Variants in ZNF45 observed in about 807,000 individuals in gnomAD.
The protein encoded by ZNF45 is BRC1744.
A neutral mutation model predicts 12.0 loss-of-function variants in ZNF45; 4 were observed. The observed-to-expected ratio is 0.33, with a 90% CI of 0.16 to 0.76. The LOEUF (loss-of-function observed/expected upper bound fraction) is 0.76. Among genes scored for constraint, ZNF45 ranks in the 30% least tolerant of loss-of-function variants. The probability of loss-of-function intolerance (pLI) is 0.60; values close to 1 mark genes in which losing one functional copy is unlikely to be tolerated. For synonymous variants in ZNF45, 272 were observed against 279.6 expected (o/e 0.97, Z 0.27); for missense variants, 700 against 813.0 (o/e 0.86, Z 1.69).
chr19:43,922,255 A>G, intron 6 of ZNF45, 38 bp from the exon 7 acceptor site: 1 of 1,479,910 alleles, frequency 6.8e-7, no homozygotes, highest in South Asian at 1.3e-5. Flanking sequence ...GAAGGAGAAA[A>G]AAGCCATGAG....
chr19:43,919,605 A>G lies in ZNF45; in HGVS notation c.110T>C (p.Met37Thr), dbSNP rs1338946288. ...GACCACATTCCTGAAGTTCTCCAGCATCACATCTCGGTACAGCTTCCTCTG... is the reference window on the plus strand; with the variant it reads ...GACCACATTCCTGAAGTTCTCCAGCGTCACATCTCGGTACAGCTTCCTCTG... ...LAQRKLYRDV[M>T]LENFRNVVSV... is the part of the protein sequence containing the mutation. Residue 37 changes from methionine to threonine, a missense_variant, in exon 8 of 10, where the codon ATG becomes ACG. Coordinates refer to ENST00000269973, the MANE Select transcript of ZNF45 (RefSeq NM_003425.4). 1 of 1,613,032 alleles carries G rather than the reference A, an allele frequency of 6.2e-7. No homozygotes were observed. The highest frequency in any genetic ancestry group is 1.1e-5 in the South Asian group (1 of 91,038).
intron 3 of ZNF45, among the ~76,000 whole-genome samples, chr19:43,928,832 T>A (rs1973898081): frequency 6.6e-6 from 1 of 152,180 alleles, no homozygotes; most frequent in Non-Finnish European, 1.5e-5. Flanking sequence ...CTCCTAACAT[T>A]AACCACGAAA....
intron 9 of ZNF45, among the ~76,000 whole-genome samples, chr19:43,916,407 C>T (rs1047278521): frequency 4.6e-5 from 7 of 152,274 alleles, no homozygotes; most frequent in Admixed American, 6.5e-5. Flanking sequence ...TGAGCCCCCA[C>T]GCCTGGCCCA....
chr19:43,918,174 T>C (rs545796569), intron 9 of ZNF45, among the ~76,000 whole-genome samples: 4 of 152,306 alleles, frequency 2.6e-5, no homozygotes, highest in African/African-American at 9.6e-5. Flanking sequence ...GTTTTTTCCT[T>C]GTGTAAAGTG....
chr19:43,931,230 A>G (rs898536832), intron 3 of ZNF45: 3 of 152,214 alleles, frequency 2.0e-5, no homozygotes, highest in Admixed American at 6.5e-5. Flanking sequence ...GGAAGAAAAG[A>G]ATACTTAAAA....
At chr19:43,916,357 C>A (rs1972675433) in intron 9 of ZNF45, among the ~76,000 whole-genome samples, 1 of 152,148 alleles carries the variant, frequency 6.6e-6, no homozygotes, top group Admixed American at 6.5e-5. Context: ...CTCAAGCTAT[C>A]CACCTGCCTC....
At chr19:43,918,784 G>T in intron 9 of ZNF45, 86 bp downstream of exon 9, 2 of 1,092,790 alleles carry the variant, frequency 1.8e-6, no homozygotes, top group Non-Finnish European at 2.8e-6. Flanking sequence ...TCTAGACTAT[G>T]CCTTCGTCAC....
chr19:43,925,912 C>T (rs1222964546), intron 3 of ZNF45, among the ~76,000 whole-genome samples: 1 of 152,210 alleles, frequency 6.6e-6, no homozygotes, highest in Non-Finnish European at 1.5e-5. Context: ...GGATTATAGG[C>T]GTAAGCCACC....
At chr19:43,925,285 ATTGT>A (rs1973585455) in intron 4 of ZNF45, 36 bp downstream of exon 4, 3 of 152,204 alleles carry the variant, frequency 2.0e-5, no homozygotes, top group Admixed American at 2.0e-4. Flanking sequence ...AGCCTATGGT[ATTGT>A]TTGTTATAGC....
rs1050240818 is a variant in ZNF45 at position 43,933,369 on chromosome 19, G to A, written c.-486-679C>T. Among the ~76,000 whole-genome samples the A allele has an allele frequency of 3.3e-5, 5 of 152,088 alleles. No homozygotes were observed. The South Asian group carries it at 1.0e-3, about 32-fold the overall frequency. On this transcript the variant is annotated intron_variant, in intron 2 of 9. Coordinates refer to ENST00000269973, the MANE Select transcript of ZNF45 (RefSeq NM_003425.4). ...CTGTAAAGCCAGAGGCAGGAGAATTGCTTGAACCCAGGAGGCAGAGGTTGC... is the reference window on the plus strand; with the variant it reads ...CTGTAAAGCCAGAGGCAGGAGAATTACTTGAACCCAGGAGGCAGAGGTTGC...
chr19:43,919,094 TG>T, intron 8 of ZNF45, 132 bp from the exon 9 acceptor site: 1 of 681,598 alleles, frequency 1.5e-6, no homozygotes, highest in Non-Finnish European at 2.5e-6. Context: ...CATGACCCAT[TG>T]GAGGAAGTAT....
rs1459503718 is a variant in ZNF45, at chr19:43,932,665, G to A, written c.-461C>T. 6.6e-6 allele frequency: 1 copy of A among 152,170 alleles called. No homozygotes were observed. Among genetic ancestry groups the A allele is most frequent in the Non-Finnish European group, 1.5e-5 (1 of 68,030 alleles). 9.4% of individuals were successfully genotyped at this position (152,170 alleles called of 1,614,324 possible). ...GTACTCTTGAGAAGAATATGATAAT[G>A]TCCATGAAACAGAGGTCCCTGAAGT... On this transcript the variant is annotated 5_prime_UTR_variant, in exon 3 of 10. Coordinates refer to ENST00000269973, the MANE Select transcript of ZNF45 (RefSeq NM_003425.4).
chr19:43,914,442 A>G lies in ZNF45; in HGVS notation c.994T>C (p.Tyr332His), dbSNP rs776297562. 2.5e-6 allele frequency: 4 copies of G among 1,610,654 alleles called. No individual in the cohort carries two copies. Among genetic ancestry groups the G allele is most frequent in the Admixed American group, 1.7e-5 (1 of 59,736 alleles). ...HERIHTGEKPYKCNACGKSFS... is the reference protein window; with the variant it reads ...HERIHTGEKPHKCNACGKSFS... ...CTCTTGCCACATGCATTGCATTTGT[A>G]TGGTTTCTCGCCAGTGTGGATTCGC... Residue 332 changes from tyrosine (Y) to histidine (H), a missense_variant, in exon 10 of 10, where the codon TAC becomes CAC. By Grantham distance (83) the Tyr-to-His change is moderately conservative. Transcript: ENST00000269973.
At chr19:43,921,655 G>T (rs1161433442) in intron 7 of ZNF45, among the ~76,000 whole-genome samples, 1 of 152,064 alleles carries the variant, frequency 6.6e-6, no homozygotes, top group East Asian at 1.9e-4. Flanking sequence ...TGGAAAAAAT[G>T]GTTATTTGTG....
chr19:43,913,728 T>C lies in ZNF45; in HGVS notation c.1708A>G (p.Asn570Asp). 1.2e-6 allele frequency: 2 copies of C among 1,613,880 alleles called. No individual in the cohort carries two copies. The highest frequency in any genetic ancestry group is 1.7e-6 in the Non-Finnish European group (2 of 1,179,950). Residue 570 changes from asparagine (N) to aspartate (D), a missense_variant, in exon 10 of 10, where the codon AAT becomes GAT. By Grantham distance (23) the Asn-to-Asp change is conservative. Coordinates refer to ENST00000269973, the MANE Select transcript of ZNF45 (RefSeq NM_003425.4). ...TGGACTCCACGATGTGCCAGAAAATTGGAGGCCCGACAGAAGCCCTTCCCA... is the reference window on the plus strand; with the variant it reads ...TGGACTCCACGATGTGCCAGAAAATCGGAGGCCCGACAGAAGCCCTTCCCA... ...ECGKGFCRASNFLAHRGVHTG... is the reference protein window; with the variant it reads ...ECGKGFCRASDFLAHRGVHTG...
At chr19:43,927,643 G>A (rs1006659634) in intron 3 of ZNF45, among the ~76,000 whole-genome samples, 1 of 152,158 alleles carries the variant, frequency 6.6e-6, no homozygotes, top group Non-Finnish European at 1.5e-5. Context: ...TTTTTGTCAT[G>A]AAAGATTTCT....
chr19:43,922,251 GA>G, intron 6 of ZNF45, 34 bp from the exon 7 acceptor site: 3 of 1,470,046 alleles, frequency 2.0e-6, no homozygotes, highest in Non-Finnish European at 1.9e-6. Context: ...GAGGGAAGGA[GA>G]AAAAAGCCAT....
intron 3 of ZNF45, chr19:43,926,174 A>T (rs1477007036): frequency 6.6e-6 from 1 of 152,254 alleles, no homozygotes; most frequent in Non-Finnish European, 1.5e-5. Context: ...CCACCATCAG[A>T]CATGGAGAGG....
chr19:43,914,213 C>A lies in ZNF45; in HGVS notation c.1223G>T (p.Arg408Ile). 6.2e-7 allele frequency: 1 copy of A among 1,607,318 alleles called. No individual in the cohort carries two copies. Residue 408 changes from arginine (R) to isoleucine (I), a missense_variant, in exon 10 of 10, where the codon AGA becomes ATA. Physicochemically the swap from Arg to Ile is moderately conservative, Grantham distance 97. Coordinates refer to ENST00000269973, the MANE Select transcript of ZNF45 (RefSeq NM_003425.4). ...ATACGGTTTCTCTCCAGTATGGCCT[C>A]TTTGATGGTCCAGCAGATTTGAGGC... ...CRASNLLDHQ[R>I]GHTGEKPYQC...
Sources: gnomAD v4.1 joint callset for allele counts (sites outside exome capture counted in the v4.1 genomes callset) on GRCh38, gnomAD v4.1.1 for gene constraint, MANE v1.5 for transcripts, NCBI Gene and HGNC (gene_info 2026-07-23, HGNC 2026-07-21) for gene names.